The following KHDRBS2 variants were observed in gnomAD, a reference collection of about 807,000 sequenced individuals.
The protein encoded by KHDRBS2 is KH RNA binding domain containing, signal transduction associated 2.
A neutral mutation model predicts 44.3 loss-of-function variants in KHDRBS2; 26 were observed. That is an observed-to-expected ratio of 0.59 (90% confidence interval 0.43 to 0.81). KHDRBS2 has a LOEUF of 0.81. Among genes scored for constraint, KHDRBS2 ranks in the 40% least tolerant of loss-of-function variants. The pLI is 0.00. For synonymous variants in KHDRBS2, 194 were observed against 151.1 expected (o/e 1.28, Z -2.08); for missense variants, 476 against 433.1 (o/e 1.10, Z -0.88).
intron 6 of KHDRBS2, among the ~76,000 whole-genome samples, chr6:61,754,205 C>T (rs567715909): frequency 3.3e-5 from 5 of 152,192 alleles, no homozygotes; most frequent in East Asian, 1.9e-4. Context: ...CTGGAGTTCT[C>T]GGCAAGCTGA....
intron 3 of KHDRBS2, among the ~76,000 whole-genome samples, chr6:61,996,541 G>T (rs1777196449): frequency 6.6e-6 from 1 of 151,940 alleles, no homozygotes; most frequent in Non-Finnish European, 1.5e-5. Context: ...TTGCATTTTG[G>T]ATTATGTTAT....
intron 6 of KHDRBS2, among the ~76,000 whole-genome samples, chr6:61,817,951 C>A (rs1789248939): frequency 6.6e-6 from 1 of 151,918 alleles, no homozygotes; most frequent in Non-Finnish European, 1.5e-5. Context: ...ATGTGGAGTT[C>A]TGTATTTTGA....
chr6:62,039,241 T>C (rs1442058422), intron 3 of KHDRBS2, among the ~76,000 whole-genome samples: 1 of 128,932 alleles, frequency 7.8e-6, no homozygotes, highest in East Asian at 2.3e-4. Context: ...CATATCTATA[T>C]AGATACACAG....
intron 6 of KHDRBS2, among the ~76,000 whole-genome samples, chr6:61,810,084 A>T (rs75664159): frequency 0.027 from 4,046 of 152,204 alleles, 174 homozygotes; most frequent in African/African-American, 0.092. Context: ...TCTAGGAGGC[A>T]AATGGCTTTG....
chr6:61,640,119 A>G, the KHDRBS2 span, among the ~76,000 whole-genome samples: 1 of 152,098 alleles, frequency 6.6e-6, no homozygotes, highest in African/African-American at 2.4e-5. Context: ...TTAGAGATGC[A>G]TACTGAATAA....
the KHDRBS2 span, among the ~76,000 whole-genome samples, chr6:61,589,085 G>C: frequency 1.3e-5 from 2 of 151,932 alleles, no homozygotes; most frequent in East Asian, 1.9e-4. Context: ...GGGTAGGGGG[G>C]CAAAGGGAAG....
At chr6:61,919,915 A>G (rs1807735411) in intron 4 of KHDRBS2, among the ~76,000 whole-genome samples, 1 of 35,996 alleles carries the variant, frequency 2.8e-5, no homozygotes, top group South Asian at 8.4e-4. Context: ...ATATCACTTT[A>G]GTACTCTTTT....
chr6:62,173,051 C>T (rs1292636937), intron 2 of KHDRBS2, among the ~76,000 whole-genome samples: 1 of 151,804 alleles, frequency 6.6e-6, no homozygotes, highest in Non-Finnish European at 1.5e-5. Flanking sequence ...AGCAAACCAA[C>T]ATCAAAGCTA....
At chr6:61,695,811 T>C (rs1767840454) in intron 8 of KHDRBS2, among the ~76,000 whole-genome samples, 2 of 152,286 alleles carry the variant, frequency 1.3e-5, no homozygotes, top group Admixed American at 6.5e-5. Flanking sequence ...AGTTTATGAC[T>C]GGTTTTAAGG....
chr6:62,007,077 C>G (rs1425103630), intron 3 of KHDRBS2, among the ~76,000 whole-genome samples: 1 of 152,052 alleles, frequency 6.6e-6, no homozygotes, highest in Non-Finnish European at 1.5e-5. Flanking sequence ...ATCAGACAGG[C>G]TACCTTTCAT....
chr6:61,610,662 G>A, the KHDRBS2 span, among the ~76,000 whole-genome samples: 1 of 152,154 alleles, frequency 6.6e-6, no homozygotes, highest in Non-Finnish European at 1.5e-5. Context: ...TCTCTCCCTA[G>A]AGCAAGCAAT....
intron 1 of KHDRBS2, among the ~76,000 whole-genome samples, chr6:62,235,430 A>G (rs1466813014): frequency 6.6e-6 from 1 of 151,996 alleles, no homozygotes; most frequent in Non-Finnish European, 1.5e-5. Flanking sequence ...TGAAAGTCAC[A>G]TTATCTTCTC....
rs571773531 is a variant in KHDRBS2, at chr6:61,891,064, T to C, written c.810+3571A>G. Among the ~76,000 whole-genome samples the C allele has an allele frequency of 3.3e-5, 5 of 152,318 alleles. No homozygotes were observed. The South Asian group carries it at 8.3e-4, about 25-fold the overall frequency. ...AATTTTGATTATTAACCAGTCCATATGTTTTGAGTGCCCAGTATGTGACAG... is the reference window on the plus strand; with the variant it reads ...AATTTTGATTATTAACCAGTCCATACGTTTTGAGTGCCCAGTATGTGACAG... On this transcript the variant is annotated intron_variant, in intron 6 of 8. Transcript: ENST00000281156.
At chr6:61,935,825 T>A (rs760856223) in intron 4 of KHDRBS2, among the ~76,000 whole-genome samples, 26 of 152,106 alleles carry the variant, frequency 1.7e-4, no homozygotes, top group Non-Finnish European at 3.1e-4. Flanking sequence ...CTGCACCACA[T>A]CTTTATTTTG....
chr6:62,154,678 G>A (rs181296534), intron 2 of KHDRBS2, among the ~76,000 whole-genome samples: 6 of 152,212 alleles, frequency 3.9e-5, no homozygotes, highest in Non-Finnish European at 7.4e-5. Context: ...AAAATCAAGG[G>A]AGCAAAAATG....
At chr6:61,723,384 A>T (rs916999283) in intron 7 of KHDRBS2, among the ~76,000 whole-genome samples, 3 of 152,170 alleles carry the variant, frequency 2.0e-5, no homozygotes, top group African/African-American at 7.2e-5. Flanking sequence ...CTGAGGCTGA[A>T]ATGGCTGAAT....
chr6:62,257,819 T>C (rs1438952151), intron 1 of KHDRBS2, among the ~76,000 whole-genome samples: 1 of 152,028 alleles, frequency 6.6e-6, no homozygotes, highest in Non-Finnish European at 1.5e-5. Flanking sequence ...GCATGTACCC[T>C]GCTTTTTTTC....
intron 1 of KHDRBS2, among the ~76,000 whole-genome samples, chr6:62,226,391 T>C (rs556095474): frequency 6.6e-6 from 1 of 152,350 alleles, no homozygotes; most frequent in African/African-American, 2.4e-5. Context: ...GGTTGTTTTT[T>C]TCTTGTAAAT....
intron 4 of KHDRBS2, among the ~76,000 whole-genome samples, chr6:61,952,427 C>T (rs1004812447): frequency 2.0e-5 from 3 of 151,934 alleles, no homozygotes; most frequent in Non-Finnish European, 2.9e-5. Context: ...TTTTAGTTTC[C>T]CAGTTTGGAC....
Sources: gnomAD v4.1 joint callset for allele counts (sites outside exome capture counted in the v4.1 genomes callset) on GRCh38, gnomAD v4.1.1 for gene constraint, MANE v1.5 for transcripts, NCBI Gene and HGNC (gene_info 2026-07-23, HGNC 2026-07-21) for gene names.